PLAAT1: variants seen among roughly 807,000 people sequenced by gnomAD.
PLAAT1 encodes the protein phospholipase A and acyltransferase 1, also known as H-REV107 protein-related protein.
A neutral mutation model predicts 16.4 loss-of-function variants in PLAAT1; 13 were observed. The ratio of observed to expected loss-of-function variants is 0.79; its 90% CI spans 0.52 to 1.26. The LOEUF (loss-of-function observed/expected upper bound fraction) is 1.26. Among genes scored for constraint, PLAAT1 ranks in the 50% most tolerant of loss-of-function variants. The pLI is 0.00. For synonymous variants in PLAAT1, 73 were observed against 78.4 expected (o/e 0.93, Z 0.36); for missense variants, 218 against 207.8 (o/e 1.05, Z -0.30).
chr3:193,256,611 A>G (rs915261250), intron 2 of PLAAT1, among the ~76,000 whole-genome samples: 3 of 152,228 alleles, frequency 2.0e-5, no homozygotes, highest in Non-Finnish European at 4.4e-5. Flanking sequence ...TACCTATCTC[A>G]TTAGCAAAGG....
chr3:193,244,474 T>C (rs539593168), intron 1 of PLAAT1, among the ~76,000 whole-genome samples: 7 of 152,062 alleles, frequency 4.6e-5, no homozygotes, highest in Admixed American at 1.3e-4. Context: ...TTTTGTTTTT[T>C]TTTTTTAAAT....
downstream of PLAAT1, chr3:193,275,117 G>A (rs770923090): frequency 4.0e-5 from 65 of 1,614,038 alleles, no homozygotes; most frequent in Non-Finnish European, 5.4e-5. Flanking sequence ...TCTGTTCATG[G>A]CTTTCATAGC....
chr3:193,249,041 A>C (rs1367497205), intron 1 of PLAAT1, among the ~76,000 whole-genome samples: 1 of 151,992 alleles, frequency 6.6e-6, no homozygotes, highest in Non-Finnish European at 1.5e-5. Flanking sequence ...TTTTTTTTAA[A>C]GCTCCCCTTC....
At chr3:193,258,340 G>A (rs939263890) in intron 2 of PLAAT1, among the ~76,000 whole-genome samples, 14 of 152,014 alleles carry the variant, frequency 9.2e-5, no homozygotes, top group African/African-American at 3.4e-4. Context: ...ACCTAATATT[G>A]CACATAGTGG....
chr3:193,268,971 C>A (rs908603255), intron 3 of PLAAT1, among the ~76,000 whole-genome samples: 3 of 152,034 alleles, frequency 2.0e-5, no homozygotes, highest in African/African-American at 4.8e-5. Flanking sequence ...ATTGCACCTT[C>A]ATTTTTTTTT....
Position 193,241,271 on chromosome 3 carries a change from G to T in PLAAT1, c.-263G>T. 1 of 1,229,128 alleles carries T rather than the reference G, an allele frequency of 8.1e-7. No homozygotes were observed. The highest frequency in any genetic ancestry group is 1.0e-6 in the Non-Finnish European group (1 of 986,334). The allele number at this position is 1,229,128 out of a possible 1,614,324, so 76.1% of individuals were successfully genotyped here. A position where few individuals can be genotyped will look rare whatever the true frequency, so the allele number is the denominator to read the frequency against. On this transcript the variant is annotated 5_prime_UTR_variant, in exon 1 of 4. Transcript: ENST00000264735. Reference sequence around the variant, plus strand: ...AGCGCCCGGACGCCGAGCCCAGCGCGTCGGCCCCCCGGCGTGCGGGCGTCT... The same window carrying T: ...AGCGCCCGGACGCCGAGCCCAGCGCTTCGGCCCCCCGGCGTGCGGGCGTCT...
intron 2 of PLAAT1, among the ~76,000 whole-genome samples, chr3:193,261,754 T>C (rs574505474): frequency 2.0e-5 from 3 of 152,342 alleles, no homozygotes; most frequent in East Asian, 3.9e-4. Context: ...TAGATTGATA[T>C]TCAATTATGT....
At chr3:193,267,911 A>G (rs930224461) in intron 3 of PLAAT1, among the ~76,000 whole-genome samples, 9 of 152,184 alleles carry the variant, frequency 5.9e-5, no homozygotes, top group African/African-American at 1.7e-4. Flanking sequence ...TTTAATAGGC[A>G]TCTTGTTTCA....
At chr3:193,254,066 T>C (rs934013944) in intron 1 of PLAAT1, among the ~76,000 whole-genome samples, 5 of 152,194 alleles carry the variant, frequency 3.3e-5, no homozygotes, top group Non-Finnish European at 5.9e-5. Flanking sequence ...TTAATACCCA[T>C]GTGGCCAAAT....
At chr3:193,280,212 G>C (rs1453853026), downstream of PLAAT1, among the ~76,000 whole-genome samples, 1 of 151,882 alleles carries the variant, frequency 6.6e-6, no homozygotes, top group South Asian at 2.1e-4. Context: ...CACCATGCAT[G>C]GCTAAATTTT....
chr3:193,272,469 A>C (rs1205357058), downstream of PLAAT1, among the ~76,000 whole-genome samples: 1 of 151,372 alleles, frequency 6.6e-6, no homozygotes, highest in Non-Finnish European at 1.5e-5. Context: ...ACAAAACAAA[A>C]AAACCCAGTT....
chr3:193,261,555 G>A (rs1716585707), intron 2 of PLAAT1, among the ~76,000 whole-genome samples: 1 of 152,102 alleles, frequency 6.6e-6, no homozygotes, highest in Non-Finnish European at 1.5e-5. Flanking sequence ...AAGTGAAAAT[G>A]ACAAATAAAA....
intron 2 of PLAAT1, chr3:193,276,777 G>A (rs745944109): frequency 1.9e-6 from 3 of 1,612,862 alleles, no homozygotes; most frequent in East Asian, 2.2e-5. Context: ...CACAGAATTG[G>A]GTGAGGGCTA....
Position 193,263,160 on chromosome 3 carries a change from G to A in PLAAT1, c.330G>A (p.Val110=), listed in dbSNP as rs1295288448. Reference sequence around the variant, plus strand: ...CAGAGTTTGTAATTGGACAGGAGGTGGCCTATAACTTACTTGTCAACAACT... The same window carrying A: ...CAGAGTTTGTAATTGGACAGGAGGTAGCCTATAACTTACTTGTCAACAACT... The part of the protein sequence containing the change: ...KRSEFVIGQE[V]AYNLLVNNCE... The change falls in exon 3 of 4, where the codon GTG becomes GTA. Residue 110 remains valine (V), a synonymous_variant. Transcript: ENST00000264735. 1.9e-6 allele frequency: 3 copies of A among 1,613,996 alleles called. No homozygotes were observed. Among genetic ancestry groups the A allele is most frequent in the Non-Finnish European group, 2.5e-6 (3 of 1,180,010 alleles).
At chr3:193,275,413 C>T, downstream of PLAAT1, 2 of 1,250,746 alleles carry the variant, frequency 1.6e-6, no homozygotes, top group Admixed American at 2.2e-5. Flanking sequence ...GAGGTGTGCT[C>T]ATTGCTGTTG....
intron 3 of PLAAT1, among the ~76,000 whole-genome samples, chr3:193,263,544 A>G (rs370522226): frequency 6.6e-6 from 1 of 152,204 alleles, no homozygotes; most frequent in South Asian, 2.1e-4. Flanking sequence ...CAAATTGGTG[A>G]TCTCATATAC....
intron 3 of PLAAT1, 26 bp downstream of exon 3, chr3:193,263,261 T>C: frequency 6.2e-7 from 1 of 1,603,192 alleles, no homozygotes; most frequent in Non-Finnish European, 8.5e-7. Context: ...GAGATATTCT[T>C]ACATTGAGAA....
chr3:193,257,671 T>C (rs1716429314), intron 2 of PLAAT1, among the ~76,000 whole-genome samples: 1 of 152,180 alleles, frequency 6.6e-6, no homozygotes, highest in South Asian at 2.1e-4. Flanking sequence ...CAAAGTATTG[T>C]TCCTGGGTGT....
intron 2 of PLAAT1, among the ~76,000 whole-genome samples, chr3:193,260,696 A>C (rs1017198902): frequency 5.3e-5 from 8 of 151,736 alleles, no homozygotes; most frequent in Admixed American, 1.3e-4. Flanking sequence ...AAAAAAAAAA[A>C]CAGATGCTGG....
Sources: gnomAD v4.1 joint callset for allele counts (sites outside exome capture counted in the v4.1 genomes callset) on GRCh38, gnomAD v4.1.1 for gene constraint, MANE v1.5 for transcripts, NCBI Gene and HGNC (gene_info 2026-07-23, HGNC 2026-07-21) for gene names.